The following ACO1 variants were observed in gnomAD, a reference collection of about 807,000 sequenced individuals.
The protein encoded by ACO1 is cytoplasmic aconitate hydratase.
In ACO1, 78 loss-of-function variants were observed where a neutral mutation model predicts 105.1. The observed-to-expected ratio is 0.74, with a 90% CI of 0.62 to 0.90. The LOEUF (loss-of-function observed/expected upper bound fraction) is 0.90, where lower values mean the gene tolerates loss of function less well. Ranked by LOEUF, ACO1 falls within the 40% of genes least tolerant of loss-of-function variation. The probability of loss-of-function intolerance (pLI) is 0.00; values close to 1 mark genes in which losing one functional copy is unlikely to be tolerated. For missense variants in ACO1, 965 were observed against 1,111.1 expected, an observed-to-expected ratio of 0.87 and a Z score of 1.87; for synonymous variants, 364 against 397.4, an observed-to-expected ratio of 0.92 and a Z score of 1.00.
intron 7 of ACO1, among the ~76,000 whole-genome samples, chr9:32,420,643 C>G (rs931328946): frequency 6.6e-6 from 1 of 152,170 alleles, no homozygotes; most frequent in Non-Finnish European, 1.5e-5. Context: ...TCAGTAATGT[C>G]CCAGAATTCT....
At chr9:32,420,233 A>G (rs1194199986) in intron 7 of ACO1, among the ~76,000 whole-genome samples, 1 of 152,220 alleles carries the variant, frequency 6.6e-6, no homozygotes, top group Admixed American at 6.5e-5. Context: ...TTTTGGTTAC[A>G]TTTGACTTAT....
At chr9:32,410,728 A>T (rs984782005) in intron 4 of ACO1, among the ~76,000 whole-genome samples, 13 of 149,300 alleles carry the variant, frequency 8.7e-5, no homozygotes, top group Admixed American at 7.4e-4. Context: ...AACCGTGAAG[A>T]TTTCAATGTA....
At chr9:32,397,463 C>G (rs1563928703) in intron 1 of ACO1, among the ~76,000 whole-genome samples, 1 of 152,210 alleles carries the variant, frequency 6.6e-6, no homozygotes, top group Non-Finnish European at 1.5e-5. Context: ...TTCTAGCTCT[C>G]TTATGAAAGA....
intron 1 of ACO1, among the ~76,000 whole-genome samples, chr9:32,404,673 T>G (rs966763218): frequency 6.6e-6 from 1 of 152,212 alleles, no homozygotes; most frequent in Non-Finnish European, 1.5e-5. Flanking sequence ...GGTCTCTTCC[T>G]GAGCCCTGGA....
chr9:32,396,989 A>T (rs1334760796), intron 1 of ACO1, among the ~76,000 whole-genome samples: 1 of 148,660 alleles, frequency 6.7e-6, no homozygotes, highest in African/African-American at 2.5e-5. Context: ...TTTTTTTTTA[A>T]AATCTTGACA....
chr9:32,431,589 G>A (rs897170892), intron 14 of ACO1, 130 bp from the exon 15 acceptor site: 26 of 959,770 alleles, frequency 2.7e-5, no homozygotes, highest in African/African-American at 8.3e-5. Flanking sequence ...CAGTGATTCC[G>A]TATCCAGTCA....
At position 32,449,035 on chromosome 9, in the gene ACO1, T is replaced by C. The variant is rs2118588753; in HGVS notation, c.2510T>C (p.Ile837Thr). Residue 837 changes from isoleucine to threonine, a missense_variant, in exon 20 of 21, where the codon ATC becomes ACC. Physicochemically the swap from Ile to Thr is moderately conservative, Grantham distance 89. Coordinates refer to ENST00000309951, the MANE Select transcript of ACO1 (RefSeq NM_002197.3). ...LGLTGQERYT[I>T]IIPENLKPQM... ...CTCACAGGGCAAGAACGATACACTA[T>C]CATTATTCCAGAAAACCTCAAACCA... is the stretch of plus-strand genomic sequence containing the variant. 6.2e-7 allele frequency: 1 copy of C among 1,611,974 alleles called. No individual in the cohort carries two copies. Among genetic ancestry groups the C allele is most frequent in the Non-Finnish European group, 8.5e-7 (1 of 1,178,454 alleles).
Position 32,384,654 on chromosome 9 carries a change from T to A in ACO1, c.-104T>A. The A allele has an allele frequency of 2.6e-6, 1 of 391,120 alleles. No individual in the cohort carries two copies. Among genetic ancestry groups the A allele is most frequent in the Non-Finnish European group, 5.1e-6 (1 of 196,550 alleles). 24.2% of individuals were successfully genotyped at this position (391,120 alleles called of 1,614,324 possible). A position where few individuals can be genotyped will look rare whatever the true frequency, so the allele number is the denominator to read the frequency against. On this transcript the variant is annotated 5_prime_UTR_variant, in exon 1 of 21. Transcript: ENST00000309951. The stretch of plus-strand genomic sequence containing the variant: ...GGGGGCGGAGCGTGGAGGCGGCAGC[T>A]GGAACCGCGCAGCGCACGGGAACGC...
At chr9:32,426,106 C>T (rs1258336980) in intron 11 of ACO1, 109 bp downstream of exon 11, 7 of 1,109,366 alleles carry the variant, frequency 6.3e-6, no homozygotes, top group East Asian at 2.4e-5. Context: ...CCCTGAACCT[C>T]GTCTTTTCCA....
chr9:32,449,232 T>G, intron 20 of ACO1, 151 bp downstream of exon 20: 1 of 676,234 alleles, frequency 1.5e-6, no homozygotes, highest in Non-Finnish European at 2.4e-6. Flanking sequence ...TAGCATCTTT[T>G]CTACCTGCCT....
At chr9:32,386,993 C>G (rs1821168534) in intron 1 of ACO1, among the ~76,000 whole-genome samples, 1 of 152,108 alleles carries the variant, frequency 6.6e-6, no homozygotes, top group South Asian at 2.1e-4. Flanking sequence ...AAGAGCAGTA[C>G]CCCCTACCTA....
At chr9:32,432,852 T>C (rs72561737) in intron 15 of ACO1, among the ~76,000 whole-genome samples, 19 of 152,330 alleles carry the variant, frequency 1.2e-4, no homozygotes, top group African/African-American at 4.6e-4. Flanking sequence ...CACTGTGTAC[T>C]TTCACAGGGT....
chr9:32,430,379 T>C (rs1822198800), intron 13 of ACO1, 39 bp from the exon 14 acceptor site: 2 of 1,586,852 alleles, frequency 1.3e-6, no homozygotes, highest in South Asian at 1.2e-5. Flanking sequence ...GCCTAGTCAG[T>C]ATCTTTTAGT....
intron 17 of ACO1, among the ~76,000 whole-genome samples, 169 bp downstream of exon 17, chr9:32,434,870 G>A (rs1424833215): frequency 6.6e-6 from 1 of 152,202 alleles, no homozygotes; most frequent in Admixed American, 6.5e-5. Context: ...CTGCTTAACA[G>A]CTTCCATGGG....
At chr9:32,445,051 A>T (rs1822568716) in intron 19 of ACO1, among the ~76,000 whole-genome samples, 1 of 152,204 alleles carries the variant, frequency 6.6e-6, no homozygotes, top group African/African-American at 2.4e-5. Flanking sequence ...ATCGATGTTC[A>T]TCAGGGATAT....
Position 32,407,269 on chromosome 9 carries a change from C to T in ACO1, c.106C>T (p.Pro36Ser). The change falls in exon 3 of 21, where the codon CCA (proline) becomes TCA (serine). Residue 36 changes from proline to serine, a missense_variant. Pro to Ser is a moderately conservative substitution (Grantham distance 74, BLOSUM62 -1). Transcript: ENST00000309951. Reference protein sequence around the residue: ...KLEDSRYGRLPFSIRVLLEAA... With the variant: ...KLEDSRYGRLSFSIRVLLEAA... ...TCATCCTTAACTCTTAGGGCGCTTA[C>T]CATTTTCGATCAGAGTTCTTCTGGA... is the stretch of plus-strand genomic sequence containing the variant. The T allele has an allele frequency of 6.2e-7, 1 of 1,614,032 alleles. No individual in the cohort carries two copies. The highest frequency in any genetic ancestry group is 8.5e-7 in the Non-Finnish European group (1 of 1,179,952).
chr9:32,395,545 G>C (rs1320461197), intron 1 of ACO1, among the ~76,000 whole-genome samples: 4 of 152,172 alleles, frequency 2.6e-5, no homozygotes, highest in Non-Finnish European at 5.9e-5. Context: ...CAGGTGTCAT[G>C]TACTACACCA....
intron 1 of ACO1, among the ~76,000 whole-genome samples, chr9:32,385,262 TG>T (rs1381812160): frequency 6.6e-6 from 1 of 152,172 alleles, no homozygotes; most frequent in Non-Finnish European, 1.5e-5. Context: ...GAAAGGAGCT[TG>T]GGCTGCAGTT....
rs1464457944 is a variant in ACO1, at chr9:32,454,464, G to A, written c.*4353G>A. The A allele has an allele frequency of 6.8e-6, 1 of 147,360 alleles. No individual in the cohort carries two copies. The highest frequency in any genetic ancestry group is 1.9e-4 in the East Asian group (1 of 5,194). 9.1% of individuals were successfully genotyped at this position (147,360 alleles called of 1,614,324 possible). A position where few individuals can be genotyped will look rare whatever the true frequency, so the allele number is the denominator to read the frequency against. On this transcript the variant is annotated 3_prime_UTR_variant, in exon 21 of 21. Coordinates refer to ENST00000309951, the MANE Select transcript of ACO1 (RefSeq NM_002197.3). ...CAGGCCAGGACCACAGAGATAACAAGGTGGTAGTTGTGTAACAGGTTGTGT... is the reference window on the plus strand; with the variant it reads ...CAGGCCAGGACCACAGAGATAACAAAGTGGTAGTTGTGTAACAGGTTGTGT...
Sources: gnomAD v4.1 joint callset for allele counts (sites outside exome capture counted in the v4.1 genomes callset) on GRCh38, gnomAD v4.1.1 for gene constraint, MANE v1.5 for transcripts, NCBI Gene and HGNC (gene_info 2026-07-23, HGNC 2026-07-21) for gene names.